Variants in ASTN2 observed in about 807,000 individuals in gnomAD.
ASTN2 encodes the protein astrotactin-2.
Under a neutral mutation model 139.8 loss-of-function variants are expected in ASTN2, and 54 were observed. That is an observed-to-expected ratio of 0.39 (90% CI 0.31 to 0.48). The LOEUF (loss-of-function observed/expected upper bound fraction) is 0.48, where lower values mean the gene tolerates loss of function less well. Among genes scored for constraint, ASTN2 ranks in the 20% least tolerant of loss-of-function variants. The pLI, the probability that ASTN2 is intolerant of heterozygous loss-of-function variation, is 0.95. For synonymous variants in ASTN2, 756 were observed against 719.5 expected, an observed-to-expected ratio of 1.05 and a Z score of -0.81; for missense variants, 1,565 against 1,725.1, an observed-to-expected ratio of 0.91 and a Z score of 1.64.
At chr9:116,774,434 GGTGGAAAATAATAA>G (rs1830029670) in intron 13 of ASTN2, among the ~76,000 whole-genome samples, 1 of 152,112 alleles carries the variant, frequency 6.6e-6, no homozygotes, top group Admixed American at 6.5e-5. Flanking sequence ...GCTTTCTTCT[GGTGGAAAATAATAA>G]TAATAGCACC....
At chr9:116,846,241 C>T (rs1832427989) in intron 11 of ASTN2, among the ~76,000 whole-genome samples, 1 of 152,136 alleles carries the variant, frequency 6.6e-6, no homozygotes, top group African/African-American at 2.4e-5. Flanking sequence ...TATAGAGTTT[C>T]AGTTTTGAGA....
At chr9:116,444,211 C>G (rs1414099410) in intron 20 of ASTN2, among the ~76,000 whole-genome samples, 1 of 152,118 alleles carries the variant, frequency 6.6e-6, no homozygotes, top group East Asian at 1.9e-4. Flanking sequence ...CTCTAAAATT[C>G]ATACATGCAA....
At position 117,400,020 on chromosome 9, in the gene ASTN2, T is replaced by C. The variant is rs368728895; in HGVS notation, c.442+14477A>G. Among the ~76,000 whole-genome samples the C allele has an allele frequency of 1.1e-3, 165 of 152,348 alleles. 1 individual carries two copies. Among genetic ancestry groups the C allele is most frequent in the African/African-American group, 3.7e-3 (155 of 41,586 alleles). On this transcript the variant is annotated intron_variant, in intron 1 of 22. Coordinates refer to ENST00000313400, the MANE Select transcript of ASTN2 (RefSeq NM_001365068.1). ...TATTTATTGAGTATCTACTATATGA[T>C]GGACACATCTGTAGGCACATGGGAT... is the stretch of plus-strand genomic sequence containing the variant.
intron 3 of ASTN2, among the ~76,000 whole-genome samples, chr9:117,213,553 C>A (rs549921054): frequency 2.0e-5 from 3 of 152,048 alleles, no homozygotes; most frequent in Non-Finnish European, 4.4e-5. Context: ...ACTATGTACT[C>A]CATAAATATG....
intron 6 of ASTN2, among the ~76,000 whole-genome samples, chr9:117,029,509 A>G (rs1838187375): frequency 6.6e-6 from 1 of 152,090 alleles, no homozygotes; most frequent in Non-Finnish European, 1.5e-5. Context: ...AGCATCTAGG[A>G]CAATCCCATT....
chr9:117,350,788 G>A lies in ASTN2; in HGVS notation c.443-59275C>T, dbSNP rs1829364032. Among the ~76,000 whole-genome samples the A allele has an allele frequency of 2.0e-5, 3 of 152,126 alleles. No homozygotes were observed. The South Asian group carries it at 6.2e-4, about 32-fold the overall frequency. ...CTAAGAATGTTAGCAAGTTAGCAAA[G>A]CATTTAGAGCAGAGAAAGCTTGTCA... On this transcript the variant is annotated intron_variant, in intron 1 of 22. Coordinates refer to ENST00000313400, the MANE Select transcript of ASTN2 (RefSeq NM_001365068.1).
chr9:116,586,122 C>G (rs1266170095), intron 19 of ASTN2: 3 of 152,138 alleles, frequency 2.0e-5, no homozygotes, highest in Non-Finnish European at 4.4e-5. Flanking sequence ...GTCAGAATGG[C>G]TATTATCAAA....
intron 1 of ASTN2, among the ~76,000 whole-genome samples, chr9:117,338,778 A>G (rs1309527798): frequency 6.6e-6 from 1 of 151,468 alleles, no homozygotes; most frequent in Non-Finnish European, 1.5e-5. Flanking sequence ...TATCTTTAAT[A>G]GCAAAAAAAT....
At chr9:116,432,591 G>A (rs142498642) in intron 22 of ASTN2, among the ~76,000 whole-genome samples, 2 of 152,318 alleles carry the variant, frequency 1.3e-5, no homozygotes, top group Non-Finnish European at 2.9e-5. Context: ...TTCTTGGACA[G>A]TGTAGGTTTC....
intron 13 of ASTN2, among the ~76,000 whole-genome samples, chr9:116,781,022 T>C (rs984315048): frequency 6.6e-6 from 1 of 152,108 alleles, no homozygotes; most frequent in African/African-American, 2.4e-5. Flanking sequence ...GTATTTTTAG[T>C]AGAGACGGGG....
intron 11 of ASTN2, among the ~76,000 whole-genome samples, chr9:116,839,829 C>T (rs1470119447): frequency 7.3e-6 from 1 of 137,528 alleles, no homozygotes; most frequent in African/African-American, 3.1e-5. Flanking sequence ...CGCCACCACA[C>T]CCAGCTGATT....
chr9:117,393,286 T>C (rs1830588243), intron 1 of ASTN2, among the ~76,000 whole-genome samples: 1 of 152,164 alleles, frequency 6.6e-6, no homozygotes, highest in East Asian at 1.9e-4. Flanking sequence ...GAAAGACTTG[T>C]GCTCAGAGAT....
intron 19 of ASTN2, among the ~76,000 whole-genome samples, chr9:116,524,298 T>C (rs910364726): frequency 2.6e-5 from 4 of 152,168 alleles, no homozygotes; most frequent in African/African-American, 9.7e-5. Context: ...CTACGTGAAA[T>C]GTAACTCGAT....
intron 2 of ASTN2, among the ~76,000 whole-genome samples, chr9:117,250,170 T>C (rs1833499154): frequency 6.6e-6 from 1 of 152,214 alleles, no homozygotes; most frequent in African/African-American, 2.4e-5. Context: ...TCTTTAGTGA[T>C]GCAGACATAG....
At chr9:116,632,204 G>GAAAGA (rs371103632) in intron 17 of ASTN2, among the ~76,000 whole-genome samples, 1 of 53,346 alleles carries the variant, frequency 1.9e-5, no homozygotes, top group East Asian at 5.1e-4. Flanking sequence ...GAGAAAGAAA[G>GAAAGA]AAAAGAAAGA....
intron 4 of ASTN2, among the ~76,000 whole-genome samples, chr9:117,112,648 T>G (rs1038920328): frequency 2.0e-5 from 3 of 152,134 alleles, no homozygotes; most frequent in Non-Finnish European, 4.4e-5. Flanking sequence ...AAGATAAATC[T>G]ATAAGCTTTC....
chr9:116,451,793 T>C (rs1313381163), intron 20 of ASTN2, among the ~76,000 whole-genome samples: 1 of 151,048 alleles, frequency 6.6e-6, no homozygotes, highest in Non-Finnish European at 1.5e-5. Context: ...GAGGAGTGAA[T>C]AAGACAGTGG....
intron 2 of ASTN2, among the ~76,000 whole-genome samples, chr9:117,280,828 G>A (rs375954503): frequency 3.3e-4 from 50 of 152,030 alleles, no homozygotes; most frequent in African/African-American, 1.1e-3. Flanking sequence ...AATGTCTTGG[G>A]GGGAGACACT....
chr9:117,045,967 T>TGTATGTATGTACGTACGTACGTACGTAC (rs1838724182), intron 5 of ASTN2, among the ~76,000 whole-genome samples: 2 of 119,514 alleles, frequency 1.7e-5, no homozygotes, highest in African/African-American at 6.2e-5. Context: ...TATGTATGTA[T>TGTATGTATGTACGTACGTACGTACGTAC]GTATGTATGT....
Sources: allele counts gnomAD v4.1 joint callset (sites outside exome capture counted in the v4.1 genomes callset), GRCh38; gene constraint gnomAD v4.1.1; transcripts MANE v1.5; gene names NCBI Gene and HGNC (gene_info 2026-07-23, HGNC 2026-07-21).